Variants in PAPPA observed in about 807,000 individuals in gnomAD.
PAPPA encodes the protein pappalysin-1.
A neutral mutation model predicts 164.0 loss-of-function variants in PAPPA; 60 were observed. The ratio of observed to expected loss-of-function variants is 0.37; its 90% CI spans 0.30 to 0.45. PAPPA has a LOEUF of 0.45. PAPPA is among the 20% of genes least tolerant of loss of function. The probability of loss-of-function intolerance (pLI) is 1.00; values close to 1 mark genes in which losing one functional copy is unlikely to be tolerated. For synonymous variants in PAPPA, 875 were observed against 814.1 expected, an observed-to-expected ratio of 1.07 and a Z score of -1.27; for missense variants, 1,782 against 2,087.3, an observed-to-expected ratio of 0.85 and a Z score of 2.85.
chr9:116,401,781 C>A lies in PAPPA; in HGVS notation c.*5165C>A, dbSNP rs2118757935. The A allele has an allele frequency of 1.3e-5, 2 of 149,536 alleles. No homozygotes were observed. The highest frequency in any genetic ancestry group is 3.5e-3 in the Middle Eastern group (1 of 288). The allele number at this position is 149,536 out of a possible 1,614,324, so 9.3% of individuals were successfully genotyped here. On this transcript the variant is annotated 3_prime_UTR_variant, in exon 22 of 22. Coordinates refer to ENST00000328252, the MANE Select transcript of PAPPA (RefSeq NM_002581.5). ...CCTGTTTGGCACCTTCTGGAAGCTA[C>A]CAAAAAAATGACACTCCATTGAAGT...
chr9:116,353,959 A>T (rs1275855724), intron 17 of PAPPA, among the ~76,000 whole-genome samples, 166 bp downstream of exon 17: 2 of 151,724 alleles, frequency 1.3e-5, no homozygotes, highest in Non-Finnish European at 2.9e-5. Context: ...TTAGCTTTGA[A>T]TTTTTTTTTA....
At position 116,187,595 on chromosome 9, in the gene PAPPA, T is replaced by A. The variant is rs749721202; in HGVS notation, c.857T>A (p.Leu286His). ...CACACTGCTCTACCTCAGCTCCTCC[T>A]CCAGGAGAACTGGGACAATGTGAAG... ...GAHTALPQLL[L>H]QENWDNVKHA... is the part of the protein sequence containing the mutation. Residue 286 changes from leucine to histidine, a missense_variant, in exon 2 of 22, where the codon CTC becomes CAC. Around this residue, in one of 2 missense-constraint regions of PAPPA, gnomAD observed 458 missense variants for 430.3 expected, o/e 1.06. Transcript: ENST00000328252. The surrounding 1 kb of genome is among the most constrained non-coding windows in gnomAD (Gnocchi z 4.2). 5.0e-6 allele frequency: 8 copies of A among 1,614,064 alleles called. No homozygotes were observed. In the South Asian group the frequency reaches 8.8e-5, roughly 18 times the overall value.
At chr9:116,384,030 G>A (rs984067957) in intron 21 of PAPPA, among the ~76,000 whole-genome samples, 4 of 152,026 alleles carry the variant, frequency 2.6e-5, no homozygotes, top group Non-Finnish European at 5.9e-5. Flanking sequence ...TGTTAAGTAA[G>A]TGTGAGGGTA....
intron 21 of PAPPA, among the ~76,000 whole-genome samples, chr9:116,383,733 G>A (rs1222078387): frequency 2.6e-5 from 4 of 152,212 alleles, no homozygotes; most frequent in Non-Finnish European, 5.9e-5. Flanking sequence ...GGATTGTCCA[G>A]GATCAGTCAG....
At chr9:116,276,015 C>A (rs959876869) in intron 9 of PAPPA, among the ~76,000 whole-genome samples, 2 of 152,188 alleles carry the variant, frequency 1.3e-5, no homozygotes, top group African/African-American at 4.8e-5. Context: ...CAGGCTTCAT[C>A]CCTTTGCAAT....
chr9:116,353,280 G>A (rs567011562), intron 16 of PAPPA, among the ~76,000 whole-genome samples: 6 of 152,148 alleles, frequency 3.9e-5, no homozygotes, highest in South Asian at 4.1e-4. Context: ...TGCTTTGCAC[G>A]TAGTAGTTGT....
At position 116,289,216 on chromosome 9, in the gene PAPPA, T is replaced by A. The variant is rs10983101; in HGVS notation, c.2954-13541T>A. ...ATATAGCATATATATATAGCATATA[T>A]GTAGCATATATATATAGCATATATA... is the stretch of plus-strand genomic sequence containing the variant. On this transcript the variant is annotated intron_variant, in intron 9 of 21. Transcript: ENST00000328252. Among the ~76,000 whole-genome samples the A allele has an allele frequency of 7.7e-3, 27 of 3,528 alleles. 4 individuals carry two copies. The highest frequency in any genetic ancestry group is 0.043 in the East Asian group (2 of 46). The allele number at this position is 3,528 out of a possible 152,430, so 2.3% of individuals were successfully genotyped here.
chr9:116,169,073 AATTAATAGCATAGGC>A (rs1564172393), intron 1 of PAPPA, among the ~76,000 whole-genome samples: 1 of 152,186 alleles, frequency 6.6e-6, no homozygotes, highest in Non-Finnish European at 1.5e-5. Context: ...GTGCTTTGAG[AATTAATAGCATAGGC>A]CTTAGAAAGA....
At chr9:116,305,990 G>A (rs1845640575) in intron 10 of PAPPA, among the ~76,000 whole-genome samples, 1 of 152,152 alleles carries the variant, frequency 6.6e-6, no homozygotes, top group Non-Finnish European at 1.5e-5. Flanking sequence ...AGGTGGCCCT[G>A]TTCCATGATG....
intron 21 of PAPPA, among the ~76,000 whole-genome samples, chr9:116,385,751 C>T (rs777591532): frequency 1.1e-4 from 17 of 152,240 alleles, no homozygotes; most frequent in Non-Finnish European, 2.1e-4. Context: ...GTGCAGAATG[C>T]AGATGGCCAA....
chr9:116,255,622 G>A (rs1844918350), intron 7 of PAPPA, among the ~76,000 whole-genome samples: 1 of 151,962 alleles, frequency 6.6e-6, no homozygotes, highest in Non-Finnish European at 1.5e-5. Flanking sequence ...ATAAGGGAGA[G>A]CCATCAGTTT....
chr9:116,253,497 A>T (rs763151338), intron 7 of PAPPA, among the ~76,000 whole-genome samples: 8 of 152,190 alleles, frequency 5.3e-5, no homozygotes, highest in Non-Finnish European at 8.8e-5. Flanking sequence ...AGTATGTTAA[A>T]CTATCTTTCA....
intron 6 of PAPPA, among the ~76,000 whole-genome samples, chr9:116,229,046 T>C (rs1844552269): frequency 6.6e-6 from 1 of 152,098 alleles, no homozygotes; most frequent in Non-Finnish European, 1.5e-5. Flanking sequence ...GTCAGATAAG[T>C]AAATGGCCAA....
intron 21 of PAPPA, among the ~76,000 whole-genome samples, chr9:116,387,851 C>T (rs1846836176): frequency 6.6e-6 from 1 of 152,206 alleles, no homozygotes; most frequent in Non-Finnish European, 1.5e-5. Flanking sequence ...GTGTCTTGCC[C>T]AAGCGTCTTG....
In PAPPA at chr9:116,154,722, G is replaced by A. The variant is rs951993043; in HGVS notation, c.415+135G>A. 3 of 1,076,108 alleles carry A rather than the reference G, an allele frequency of 2.8e-6. No individual in the cohort carries two copies. Among genetic ancestry groups the A allele is most frequent in the South Asian group, 8.6e-5 (2 of 23,212 alleles). The allele number at this position is 1,076,108 out of a possible 1,614,324, so 66.7% of individuals were successfully genotyped here. ...CGAGAGCTGCCCCGCGAGCGGCGCA[G>A]AGACATCCGGGCGAGCTGAGAGCCT... On this transcript the variant is annotated intron_variant, in intron 1 of 21. Coordinates refer to ENST00000328252, the MANE Select transcript of PAPPA (RefSeq NM_002581.5). The surrounding 1 kb of genome is among the most constrained non-coding windows in gnomAD (Gnocchi z 5.2).
In PAPPA at chr9:116,377,643, G is replaced by T; in HGVS notation, c.4673G>T (p.Cys1558Phe). 1 of 1,611,946 alleles carries T rather than the reference G, an allele frequency of 6.2e-7. No individual in the cohort carries two copies. The highest frequency in any genetic ancestry group is 8.5e-7 in the Non-Finnish European group (1 of 1,177,994). The change falls in exon 20 of 22, where the codon TGT becomes TTT. Residue 1558 changes from cysteine to phenylalanine, a missense_variant. By Grantham distance (205) the Cys-to-Phe change is radical. Transcript: ENST00000328252. ...GCTCTGATTCACTGTGTCAAAGGCT[G>T]TGAGGTGAGTCACAAGGAAGGCACT... ...HPALIHCVKG[C>F]EPFMGDNYCD...
intron 1 of PAPPA, among the ~76,000 whole-genome samples, chr9:116,169,562 C>A (rs192850825): frequency 6.6e-6 from 1 of 151,528 alleles, no homozygotes; most frequent in Admixed American, 6.6e-5. Context: ...TCAGGTGATC[C>A]GCCCACCTTG....
intron 21 of PAPPA, among the ~76,000 whole-genome samples, chr9:116,383,417 T>A (rs748043596): frequency 4.6e-5 from 7 of 152,180 alleles, no homozygotes; most frequent in African/African-American, 7.2e-5. Context: ...AGAATCATAG[T>A]CAATCATGCC....
At position 116,284,813 on chromosome 9, in the gene PAPPA, A is replaced by G. The variant is rs1845312682; in HGVS notation, c.2953+13397A>G. 2.0e-5 allele frequency among the ~76,000 whole-genome samples: 3 copies of G among 152,132 alleles called. No individual in the cohort carries two copies. The South Asian group carries it at 6.2e-4, about 32-fold the overall frequency. On this transcript the variant is annotated intron_variant, in intron 9 of 21. Coordinates refer to ENST00000328252, the MANE Select transcript of PAPPA (RefSeq NM_002581.5). ...TTGCCATTCTTCCCATTTTACTTTG[A>G]AAACGTTATCTTGTCTGCGTCCAAA...
Sources: allele counts gnomAD v4.1 joint callset (sites outside exome capture counted in the v4.1 genomes callset), GRCh38; gene constraint gnomAD v4.1.1; regional missense constraint gnomAD v4.1.1; non-coding constraint Gnocchi (gnomAD v3.1); transcripts MANE v1.5; gene names NCBI Gene and HGNC (gene_info 2026-07-23, HGNC 2026-07-21).